The following SCMH1 variants were observed in gnomAD, a reference collection of about 807,000 sequenced individuals.
SCMH1 encodes the protein polycomb protein SCMH1.
SCMH1 carries 37 observed loss-of-function variants against 70.8 expected under a neutral mutation model. The observed-to-expected ratio is 0.52, with a 90% CI of 0.40 to 0.69. The LOEUF (loss-of-function observed/expected upper bound fraction) is 0.69, where lower values mean the gene tolerates loss of function less well. SCMH1 is among the 30% of genes least tolerant of loss of function. SCMH1 has a pLI of 0.00. For synonymous variants in SCMH1, 292 were observed against 307.4 expected (o/e 0.95, Z 0.52); for missense variants, 607 against 827.3 (o/e 0.73, Z 3.27).
intron 1 of SCMH1, among the ~76,000 whole-genome samples, chr1:41,205,609 A>C (rs1488987259): frequency 2.6e-5 from 4 of 152,354 alleles, no homozygotes; most frequent in African/African-American, 7.2e-5. Flanking sequence ...GGCAGAGCCC[A>C]CTACAGCTCA....
At chr1:41,083,153 G>A (rs946431042) in intron 8 of SCMH1, among the ~76,000 whole-genome samples, 8 of 152,064 alleles carry the variant, frequency 5.3e-5, no homozygotes, top group African/African-American at 1.7e-4. Context: ...GGAAATAAAG[G>A]GTATTTAATT....
intron 2 of SCMH1, among the ~76,000 whole-genome samples, chr1:41,179,051 C>A (rs1482712454): frequency 6.6e-6 from 1 of 152,170 alleles, no homozygotes; most frequent in Non-Finnish European, 1.5e-5. Flanking sequence ...GACCACAGTG[C>A]AATCAAACAA....
At chr1:41,098,931 C>A in intron 8 of SCMH1, 2 of 258,800 alleles carry the variant, frequency 7.7e-6, no homozygotes, top group South Asian at 1.1e-4. Context: ...ACCACTGGGT[C>A]AGCCATGAAG....
chr1:41,161,039 AG>A (rs1557699696), intron 3 of SCMH1, 141 bp from the exon 4 acceptor site: 1 of 959,958 alleles, frequency 1.0e-6, no homozygotes, highest in Non-Finnish European at 1.6e-6. Flanking sequence ...TGAGATTCTT[AG>A]TAGTCATTGT....
At chr1:41,190,991 C>T (rs530035435) in intron 1 of SCMH1, among the ~76,000 whole-genome samples, 13 of 152,318 alleles carry the variant, frequency 8.5e-5, no homozygotes, top group African/African-American at 2.9e-4. Context: ...CCTCCCACCT[C>T]AGCCTTCTGA....
At chr1:41,162,825 G>C (rs779598181) in intron 2 of SCMH1, 1 of 152,236 alleles carries the variant, frequency 6.6e-6, no homozygotes, top group Non-Finnish European at 1.5e-5. Context: ...ACACTCACTG[G>C]GACGCCCTGG....
intron 11 of SCMH1, 42 bp downstream of exon 11, chr1:41,048,648 G>T: frequency 6.4e-7 from 1 of 1,558,002 alleles, no homozygotes; most frequent in African/African-American, 1.4e-5. Flanking sequence ...GAGAAGGTGG[G>T]TCCTTCTGGC....
At chr1:41,078,693 A>C (rs1405496883) in intron 8 of SCMH1, among the ~76,000 whole-genome samples, 5 of 152,220 alleles carry the variant, frequency 3.3e-5, no homozygotes, top group Admixed American at 3.3e-4. Flanking sequence ...CAGTGAAAAT[A>C]TCCTTCAGAA....
chr1:41,035,994 A>T (rs1024056435), intron 13 of SCMH1, among the ~76,000 whole-genome samples: 1 of 152,148 alleles, frequency 6.6e-6, no homozygotes, highest in African/African-American at 2.4e-5. Flanking sequence ...CCACAATATC[A>T]AATTCTTCTC....
At chr1:41,239,788 G>A (rs899607134) in intron 1 of SCMH1, among the ~76,000 whole-genome samples, 3 of 152,012 alleles carry the variant, frequency 2.0e-5, no homozygotes, top group Non-Finnish European at 2.9e-5. Flanking sequence ...ACACCATCAT[G>A]CCCAGCTATA....
At chr1:41,147,061 TTAA>T (rs1644650020) in intron 5 of SCMH1, among the ~76,000 whole-genome samples, 1 of 152,148 alleles carries the variant, frequency 6.6e-6, no homozygotes, top group South Asian at 2.1e-4. Flanking sequence ...TTGCCACTAT[TTAA>T]TATGGTCAGT....
chr1:41,055,024 C>A (rs1005552157), intron 10 of SCMH1, among the ~76,000 whole-genome samples: 4 of 152,092 alleles, frequency 2.6e-5, no homozygotes, highest in Non-Finnish European at 5.9e-5. Context: ...CTCAAGGAAT[C>A]CTCCCACCTT....
chr1:41,046,722 C>A (rs779454035), intron 11 of SCMH1, 124 bp from the exon 12 acceptor site: 3 of 734,582 alleles, frequency 4.1e-6, no homozygotes, highest in Non-Finnish European at 7.0e-6. Flanking sequence ...ATCAGTGCCC[C>A]ACGTTTCCTC....
chr1:41,061,298 T>A (rs371330997), intron 10 of SCMH1, among the ~76,000 whole-genome samples: 2 of 152,172 alleles, frequency 1.3e-5, no homozygotes, highest in Non-Finnish European at 2.9e-5. Flanking sequence ...TAAAAATTTT[T>A]AAAAAACCAA....
intron 1 of SCMH1, among the ~76,000 whole-genome samples, chr1:41,236,352 TG>T (rs1326615345): frequency 6.6e-6 from 1 of 152,202 alleles, no homozygotes; most frequent in African/African-American, 2.4e-5. Flanking sequence ...GGAAGTAGTA[TG>T]TTCTCCATGA....
chr1:41,152,760 C>T, intron 4 of SCMH1: 2 of 1,587,360 alleles, frequency 1.3e-6, no homozygotes, highest in Non-Finnish European at 1.7e-6. Flanking sequence ...AAAAATGAGT[C>T]ACTGAATGAA....
chr1:41,186,198 T>C (rs774161734), exon 2 of SCMH1: 3 of 869,490 alleles, frequency 3.5e-6, no homozygotes, highest in Non-Finnish European at 5.7e-6. Flanking sequence ...GATCCACCAA[T>C]ACCTTGCTCT....
chr1:41,093,245 C>T (rs1208953242), intron 8 of SCMH1, among the ~76,000 whole-genome samples: 1 of 151,668 alleles, frequency 6.6e-6, no homozygotes, highest in Non-Finnish European at 1.5e-5. Context: ...AAGCTGGAAA[C>T]CATCATTCTC....
rs904953140 is a variant in SCMH1, at chr1:41,084,504, T to G, written c.746-9053A>C. On this transcript the variant is annotated intron_variant, in intron 8 of 14. Transcript: ENST00000337495. ...AGGTGCTGGGGAGGATGTGGAGAAA[T>G]AGGAACACTTTTACACTGTTGGTGG... Among the ~76,000 whole-genome samples, 12 of 152,166 alleles carry G rather than the reference T, an allele frequency of 7.9e-5. 1 individual carries two copies. In the South Asian group the frequency reaches 2.5e-3, roughly 32 times the overall value.
Sources: allele counts gnomAD v4.1 joint callset (sites outside exome capture counted in the v4.1 genomes callset), GRCh38; gene constraint gnomAD v4.1.1; transcripts MANE v1.5; gene names NCBI Gene and HGNC (gene_info 2026-07-23, HGNC 2026-07-21).